Variants in DAB1 observed in about 807,000 individuals in gnomAD.
DAB1 encodes DAB adaptor protein 1.
A neutral mutation model predicts 64.6 loss-of-function variants in DAB1; 15 were observed. The ratio of observed to expected loss-of-function variants is 0.23; its 90% CI spans 0.16 to 0.36. The LOEUF is 0.36. Among genes scored for constraint, DAB1 ranks in the 10% least tolerant of loss-of-function variants. The pLI is 1.00. For missense variants in DAB1, 596 were observed against 706.7 expected, an observed-to-expected ratio of 0.84 and a Z score of 1.78; for synonymous variants, 235 against 251.9, an observed-to-expected ratio of 0.93 and a Z score of 0.64.
chr1:58,487,990 T>C (rs1645606174), intron 3 of DAB1, among the ~76,000 whole-genome samples: 1 of 152,204 alleles, frequency 6.6e-6, no homozygotes, highest in African/African-American at 2.4e-5. Context: ...AAGAATCAAC[T>C]ACTGTCATTT....
intron 4 of DAB1, among the ~76,000 whole-genome samples, chr1:58,194,872 T>C (rs370889420): frequency 1.3e-5 from 2 of 152,366 alleles, no homozygotes; most frequent in East Asian, 1.9e-4. Flanking sequence ...TCCTGATTAT[T>C]GTCCAGGCAC....
intron 4 of DAB1, among the ~76,000 whole-genome samples, chr1:58,232,699 T>C (rs1003584118): frequency 1.3e-5 from 2 of 152,038 alleles, no homozygotes; most frequent in Non-Finnish European, 2.9e-5. Context: ...TCGGAGATGG[T>C]GATGTTTGAG....
intron 7 of DAB1, among the ~76,000 whole-genome samples, chr1:57,433,370 A>C (rs1444740631): frequency 6.6e-6 from 1 of 152,114 alleles, no homozygotes; most frequent in Admixed American, 6.5e-5. Context: ...GACAAAATAG[A>C]GAATACAGAA....
At chr1:57,699,538 G>C (rs1471574465) in intron 6 of DAB1, among the ~76,000 whole-genome samples, 4 of 152,116 alleles carry the variant, frequency 2.6e-5, no homozygotes, top group African/African-American at 4.8e-5. Context: ...ACAGTGTTGG[G>C]ATGATGAGGA....
Position 58,377,991 on chromosome 1 carries a change from A to G in DAB1, n.258-34588T>C, listed in dbSNP as rs935248634. Among the ~76,000 whole-genome samples the G allele has an allele frequency of 5.0e-5, 7 of 141,288 alleles. 1 individual carries two copies. Among genetic ancestry groups the G allele is most frequent in the Non-Finnish European group, 9.5e-5 (6 of 63,456 alleles). The allele number at this position is 141,288 out of a possible 152,430, so 92.7% of individuals were successfully genotyped here. ...TCGCATCGGCTCCTGAGGCTTCTGC[A>G]TTCTTCACATAGTTCTCAAGCCTTG... On this transcript the variant is annotated intron_variant and non_coding_transcript_variant, in intron 3 of 20. Coordinates refer to the DAB1 transcript ENST00000485760.
intron 3 of DAB1, among the ~76,000 whole-genome samples, chr1:58,380,701 A>G (rs1644379690): frequency 6.6e-6 from 1 of 152,216 alleles, no homozygotes; most frequent in South Asian, 2.1e-4. Flanking sequence ...CTAAGAGGAA[A>G]ACATCTCAGG....
At chr1:57,052,137 G>T in intron 9 of DAB1, among the ~76,000 whole-genome samples, 1 of 140,120 alleles carries the variant, frequency 7.1e-6, no homozygotes, top group Admixed American at 7.0e-5. Flanking sequence ...GATTACTGGG[G>T]GCGGGGGGGC....
chr1:57,033,732 T>C (rs1199352212), intron 9 of DAB1, among the ~76,000 whole-genome samples: 1 of 152,212 alleles, frequency 6.6e-6, no homozygotes. Context: ...AATATGTTTC[T>C]AGCATAAGCA....
At chr1:58,418,687 C>G (rs1644744472) in intron 3 of DAB1, among the ~76,000 whole-genome samples, 1 of 152,124 alleles carries the variant, frequency 6.6e-6, no homozygotes. Flanking sequence ...CAAACTCAAC[C>G]TGGGGAGGTT....
At chr1:58,288,019 CAAAAAAAAAAAAAAA>C (rs763850453) in intron 4 of DAB1, among the ~76,000 whole-genome samples, 8 of 21,982 alleles carry the variant, frequency 3.6e-4, no homozygotes, top group Non-Finnish European at 4.7e-4. Flanking sequence ...AAGACTGCCT[CAAAAAAAAAAAAAAA>C]AAAAAAAAAA....
intron 1 of DAB1, among the ~76,000 whole-genome samples, chr1:57,357,106 C>T (rs1439954753): frequency 6.6e-6 from 1 of 152,034 alleles, no homozygotes; most frequent in East Asian, 1.9e-4. Context: ...TATTTTATCA[C>T]CAATACACTC....
intron 4 of DAB1, among the ~76,000 whole-genome samples, chr1:58,187,565 A>ATATTAT (rs377009640): frequency 3.6e-4 from 54 of 148,132 alleles, no homozygotes; most frequent in African/African-American, 1.0e-3. Context: ...TATATTTTAT[A>ATATTAT]TATTATTATT....
At chr1:58,296,265 A>AAAG (rs1221566558) in intron 4 of DAB1, among the ~76,000 whole-genome samples, 1 of 143,348 alleles carries the variant, frequency 7.0e-6, no homozygotes, top group Non-Finnish European at 1.6e-5. Context: ...AAGAAAGAAA[A>AAAG]GTGAGGCAGT....
intron 4 of DAB1, among the ~76,000 whole-genome samples, chr1:58,209,813 G>A (rs774542490): frequency 5.3e-5 from 8 of 151,884 alleles, no homozygotes; most frequent in South Asian, 2.1e-4. Context: ...TATTTGAATC[G>A]TCTTTAAGAA....
rs180706256 is a variant in DAB1, at chr1:58,379,132, C to G, written n.258-35729G>C. ...ACCTCAGATGGAAATGCAGAAATCA[C>G]CCGTCTTCTGCGTCGCTCACGCTGG... On this transcript the variant is annotated intron_variant and non_coding_transcript_variant, in intron 3 of 20. Transcript: ENST00000485760. 1.1e-3 allele frequency among the ~76,000 whole-genome samples: 174 copies of G among 151,984 alleles called. 2 individuals are homozygous for G. The East Asian group carries it at 0.031, about 27-fold the overall frequency.
At chr1:57,600,067 C>T (rs1001781617) in intron 7 of DAB1, among the ~76,000 whole-genome samples, 1 of 152,110 alleles carries the variant, frequency 6.6e-6, no homozygotes, top group Non-Finnish European at 1.5e-5. Context: ...GAAGTCCTGC[C>T]CCACCTCACC....
intron 7 of DAB1, among the ~76,000 whole-genome samples, chr1:57,523,550 G>T (rs1198888232): frequency 2.0e-5 from 3 of 152,148 alleles, no homozygotes; most frequent in Non-Finnish European, 2.9e-5. Context: ...CAAAGATATT[G>T]CAGGGAACAT....
intron 2 of DAB1, among the ~76,000 whole-genome samples, chr1:57,209,740 G>C (rs540420930): frequency 6.6e-6 from 1 of 152,302 alleles, no homozygotes; most frequent in Admixed American, 6.5e-5. Context: ...GTAATGCCTA[G>C]TTCATAATAC....
chr1:57,343,360 A>C (rs1342108584), intron 1 of DAB1, among the ~76,000 whole-genome samples: 1 of 152,170 alleles, frequency 6.6e-6, no homozygotes, highest in Non-Finnish European at 1.5e-5. Context: ...CCAAGTTCCC[A>C]CCAGACTCAG....
Sources: gnomAD v4.1 joint callset for allele counts (sites outside exome capture counted in the v4.1 genomes callset) on GRCh38, gnomAD v4.1.1 for gene constraint, MANE v1.5 for transcripts, NCBI Gene and HGNC (gene_info 2026-07-23, HGNC 2026-07-21) for gene names.